Variants in OPRM1 observed in about 807,000 individuals in gnomAD.
The protein encoded by OPRM1 is opioid receptor mu 1, also known as mu-type opioid receptor.
OPRM1 carries 27 observed loss-of-function variants against 31.8 expected under a neutral mutation model. That is an observed-to-expected ratio of 0.85 (90% confidence interval 0.63 to 1.17). The LOEUF (loss-of-function observed/expected upper bound fraction) is 1.17. Among genes scored for constraint, OPRM1 ranks in the 50% most tolerant of loss-of-function variants. OPRM1 has a pLI of 0.00. For missense variants in OPRM1, 536 were observed against 511.1 expected (o/e 1.05, Z -0.47); for synonymous variants, 196 against 189.9 (o/e 1.03, Z -0.26).
chr6:154,092,774 G>C (rs1196299486), intron 3 of OPRM1, among the ~76,000 whole-genome samples: 2 of 152,134 alleles, frequency 1.3e-5, no homozygotes, highest in East Asian at 3.8e-4. Context: ...CATACCCCTG[G>C]TATTCAGTGA....
At chr6:154,115,520 ACAGAGTGAGGCTCTGCCT>A (rs1796772313) in intron 3 of OPRM1, among the ~76,000 whole-genome samples, 1 of 152,200 alleles carries the variant, frequency 6.6e-6, no homozygotes, top group African/African-American at 2.4e-5. Context: ...AGCCTGGGTG[ACAGAGTGAGGCTCTGCCT>A]CAAAAGAAAA....
At chr6:154,115,060 C>T (rs1487588165) in intron 3 of OPRM1, among the ~76,000 whole-genome samples, 1 of 152,194 alleles carries the variant, frequency 6.6e-6, no homozygotes, top group African/African-American at 2.4e-5. Flanking sequence ...GCCCTGGGAG[C>T]CGCAAAAGTA....
intron 3 of OPRM1, chr6:154,108,388 C>G (rs1795924937): frequency 5.8e-6 from 1 of 171,008 alleles, no homozygotes; most frequent in Non-Finnish European, 1.2e-5. Flanking sequence ...GAAAAACGTG[C>G]CAGTGGAAGG....
intron 3 of OPRM1, among the ~76,000 whole-genome samples, chr6:154,175,366 AAAATCAGTGAATCC>A (rs1411036485): frequency 1.3e-5 from 2 of 150,280 alleles, no homozygotes; most frequent in Non-Finnish European, 2.9e-5. Flanking sequence ...ACCCTTTAAA[AAAATCAGTGAATCC>A]AGGAGCTTTT....
chr6:154,202,116 C>A (rs1376542869), intron 3 of OPRM1, among the ~76,000 whole-genome samples: 1 of 152,146 alleles, frequency 6.6e-6, no homozygotes, highest in Admixed American at 6.5e-5. Context: ...AATGTGTACC[C>A]AATCAGTTCC....
At chr6:154,197,382 G>A (rs1327058628) in intron 3 of OPRM1, among the ~76,000 whole-genome samples, 1 of 152,168 alleles carries the variant, frequency 6.6e-6, no homozygotes, top group African/African-American at 2.4e-5. Flanking sequence ...AAGTGGTTCA[G>A]TTCTTCTGGG....
intron 1 of OPRM1, among the ~76,000 whole-genome samples, chr6:154,040,205 A>AAGAGTAAGTTGTGAATAATGGGAGAG (rs1779769415): frequency 1.3e-5 from 2 of 152,014 alleles, no homozygotes; most frequent in East Asian, 1.9e-4. Context: ...GAGCTATGGA[A>AAGAGTAAGTTGTGAATAATGGGAGAG]AGAGTAAGTT....
At chr6:154,235,066 A>G (rs557631689) in intron 3 of OPRM1, among the ~76,000 whole-genome samples, 1 of 152,376 alleles carries the variant, frequency 6.6e-6, no homozygotes, top group South Asian at 2.1e-4. Context: ...AAGCTTTTAA[A>G]TGAATCAGAA....
chr6:154,170,244 C>A (rs1033430841), intron 3 of OPRM1, among the ~76,000 whole-genome samples: 49 of 151,910 alleles, frequency 3.2e-4, no homozygotes, highest in Non-Finnish European at 1.5e-5. Flanking sequence ...CCACATACTC[C>A]TTAATGTTTA....
At chr6:154,112,577 A>G (rs946816850) in intron 3 of OPRM1, among the ~76,000 whole-genome samples, 1 of 152,198 alleles carries the variant, frequency 6.6e-6, no homozygotes, top group African/African-American at 2.4e-5. Flanking sequence ...CGTGGTCCTC[A>G]TGTGGTCAGG....
rs666446 is a variant in OPRM1, at chr6:154,129,256, A to G, written c.*10535A>G. 0.91 allele frequency among the ~76,000 whole-genome samples: 137,811 copies of G among 152,268 alleles called. 62,419 individuals are homozygous for G. The highest frequency in any genetic ancestry group is 0.98 in the East Asian group (5,104 of 5,192). ...GGTGGTCTGGGAGGAACAGAACAGG[A>G]CAGGGAGTTCTTCTATACAATAGAG... On this transcript the variant is annotated 3_prime_UTR_variant, in exon 4 of 4. Transcript: ENST00000330432.
In OPRM1 at chr6:154,103,286, G is replaced by T. The variant is rs980743121; in HGVS notation, c.1164+11814G>T. Among the ~76,000 whole-genome samples, 4 of 152,148 alleles carry T rather than the reference G, an allele frequency of 2.6e-5. 1 individual carries two copies. Among genetic ancestry groups the T allele is most frequent in the Admixed American group, 2.0e-4 (3 of 15,276 alleles). ...GCAACTGAAAACCACAGAATATTTA[G>T]CTTTGTACAAATTGTTTTTAGAACC... is the stretch of plus-strand genomic sequence containing the variant. On this transcript the variant is annotated intron_variant, in intron 3 of 3. Coordinates refer to ENST00000330432, the MANE Select transcript of OPRM1 (RefSeq NM_000914.5).
At chr6:154,193,170 T>C (rs779076567) in intron 3 of OPRM1, among the ~76,000 whole-genome samples, 4 of 152,266 alleles carry the variant, frequency 2.6e-5, no homozygotes, top group Admixed American at 1.3e-4. Flanking sequence ...ATATATACCA[T>C]AGAATACTAC....
intron 3 of OPRM1, among the ~76,000 whole-genome samples, chr6:154,099,697 G>C (rs938299367): frequency 1.2e-4 from 9 of 73,068 alleles, no homozygotes; most frequent in Non-Finnish European, 2.1e-4. Context: ...GATGTGGGTA[G>C]GGGAGGCTAG....
At chr6:154,087,016 A>G (rs1790746896) in intron 1 of OPRM1, 1 of 983,700 alleles carries the variant, frequency 1.0e-6, no homozygotes, top group Non-Finnish European at 1.2e-6. Context: ...TCCTTTTTAT[A>G]TTTGCCATAT....
At chr6:154,080,303 C>T (rs936288586) in intron 1 of OPRM1, among the ~76,000 whole-genome samples, 6 of 152,198 alleles carry the variant, frequency 3.9e-5, no homozygotes, top group African/African-American at 1.4e-4. Flanking sequence ...AACTTAACGC[C>T]TTCAAATGCA....
intron 3 of OPRM1, among the ~76,000 whole-genome samples, chr6:154,142,020 T>A (rs953400933): frequency 6.6e-6 from 1 of 152,212 alleles, no homozygotes; most frequent in Non-Finnish European, 1.5e-5. Context: ...TCATCTTTGA[T>A]TTCTCCTCTC....
At position 154,039,354 on chromosome 6, in the gene OPRM1, G is replaced by A. The variant is rs1230347496; in HGVS notation, c.-191G>A. Reference sequence around the variant, plus strand: ...AAGGTGGGAGGGGGCTATACGCAGAGGAGAATGTCAGATGCTCAGCTCGGT... The same window carrying A: ...AAGGTGGGAGGGGGCTATACGCAGAAGAGAATGTCAGATGCTCAGCTCGGT... On this transcript the variant is annotated 5_prime_UTR_variant, in exon 1 of 4. Coordinates refer to ENST00000330432, the MANE Select transcript of OPRM1 (RefSeq NM_000914.5). 7 of 1,545,878 alleles carry A rather than the reference G, an allele frequency of 4.5e-6. No individual in the cohort carries two copies. Among genetic ancestry groups the A allele is most frequent in the Admixed American group, 2.0e-5 (1 of 50,678 alleles).
chr6:154,056,763 G>A (rs1407883214), intron 1 of OPRM1, among the ~76,000 whole-genome samples: 2 of 152,052 alleles, frequency 1.3e-5, no homozygotes, highest in Non-Finnish European at 2.9e-5. Flanking sequence ...AGTATTAAAT[G>A]TTAATTGAAA....
Sources: allele counts gnomAD v4.1 joint callset (sites outside exome capture counted in the v4.1 genomes callset), GRCh38; gene constraint gnomAD v4.1.1; transcripts MANE v1.5; gene names NCBI Gene and HGNC (gene_info 2026-07-23, HGNC 2026-07-21).